AFF2: variants seen among roughly 807,000 people sequenced by gnomAD.
AFF2 encodes the protein AF4/FMR2 family member 2.
A neutral mutation model predicts 76.9 loss-of-function variants in AFF2; 14 were observed. That is an observed-to-expected ratio of 0.18 (90% CI 0.12 to 0.28). AFF2 has a LOEUF of 0.28. Among genes scored for constraint, AFF2 ranks in the 10% least tolerant of loss-of-function variants. The pLI, the probability that AFF2 is intolerant of heterozygous loss-of-function variation, is 1.00. For synonymous variants in AFF2, 398 were observed against 366.7 expected (o/e 1.09, Z -0.98); for missense variants, 868 against 1,001.1 (o/e 0.87, Z 1.79).
At chrX:148,825,207 G>A (rs1467575112) in intron 4 of AFF2, among the ~76,000 whole-genome samples, 1 of 111,925 alleles carries the variant, frequency 8.9e-6, no homozygotes, top group East Asian at 2.8e-4. Context: ...ATGGAGTATG[G>A]TGGTGCCCAA....
chrX:148,528,778 C>G (rs1207464265), intron 1 of AFF2, among the ~76,000 whole-genome samples: 2 of 111,398 alleles, frequency 1.8e-5, no homozygotes, highest in Non-Finnish European at 3.8e-5. Context: ...ATTCAAAAAG[C>G]CATATGAATG....
intron 3 of AFF2, among the ~76,000 whole-genome samples, chrX:148,673,660 A>G (rs2054448991): frequency 8.9e-6 from 1 of 111,996 alleles, no homozygotes; most frequent in Admixed American, 9.5e-5. Flanking sequence ...TCAACCCTGT[A>G]TAAGAGAGGT....
intron 7 of AFF2, among the ~76,000 whole-genome samples, chrX:148,856,420 A>G (rs1393743826): frequency 9.0e-6 from 1 of 111,561 alleles, no homozygotes; most frequent in Non-Finnish European, 1.9e-5. Flanking sequence ...CTAAATTTTT[A>G]TAGCCAGTAA....
intron 3 of AFF2, among the ~76,000 whole-genome samples, chrX:148,733,653 T>C (rs1252485067): frequency 8.9e-6 from 1 of 112,234 alleles, no homozygotes; most frequent in East Asian, 2.8e-4. Context: ...CCACGATTTG[T>C]GTTTTTGTGC....
intron 3 of AFF2, among the ~76,000 whole-genome samples, chrX:148,800,273 G>T (rs940736721): frequency 1.8e-5 from 2 of 111,557 alleles, no homozygotes; most frequent in Non-Finnish European, 3.8e-5. Flanking sequence ...TCCTAAGTGC[G>T]GAGTATAGAG....
intron 20 of AFF2, among the ~76,000 whole-genome samples, chrX:148,990,290 G>C (rs2072519679): frequency 9.0e-6 from 1 of 111,655 alleles, no homozygotes; most frequent in Admixed American, 9.5e-5. Context: ...AGGCAGGAGA[G>C]CATCCCACGT....
intron 3 of AFF2, among the ~76,000 whole-genome samples, chrX:148,765,465 C>A (rs1169695421): frequency 5.4e-5 from 6 of 111,419 alleles, no homozygotes; most frequent in African/African-American, 2.0e-4. Context: ...GGACCCAGAC[C>A]AACCAATGAA....
intron 3 of AFF2, among the ~76,000 whole-genome samples, chrX:148,801,304 G>A (rs781795456): frequency 3.6e-5 from 4 of 111,391 alleles, no homozygotes; most frequent in South Asian, 3.8e-4. Flanking sequence ...CTTTCTCCCC[G>A]CCTCCTTATC....
At chrX:148,556,541 A>T (rs1387798599) in intron 1 of AFF2, among the ~76,000 whole-genome samples, 1 of 112,222 alleles carries the variant, frequency 8.9e-6, no homozygotes, top group Admixed American at 9.5e-5. Flanking sequence ...CTTTAAAAAG[A>T]TATAATTTCA....
At chrX:148,917,876 AAAAC>A (rs782176825) in intron 9 of AFF2, among the ~76,000 whole-genome samples, 32 of 112,266 alleles carry the variant, frequency 2.9e-4, no homozygotes, top group African/African-American at 4.2e-4. Flanking sequence ...TGAAGTGTAC[AAAAC>A]AAACAAACAA....
intron 1 of AFF2, among the ~76,000 whole-genome samples, chrX:148,605,571 G>A (rs888802131): frequency 8.9e-6 from 1 of 111,750 alleles, no homozygotes; most frequent in Non-Finnish European, 1.9e-5. Flanking sequence ...TCTTGGTGAA[G>A]TAATTGAGTC....
intron 3 of AFF2, among the ~76,000 whole-genome samples, chrX:148,680,269 A>T (rs1338770763): frequency 1.8e-5 from 2 of 112,444 alleles, no homozygotes; most frequent in Non-Finnish European, 3.8e-5. Flanking sequence ...TGAATAAGTG[A>T]ATACATCCCC....
chrX:148,832,082 G>A (rs1557273388), intron 4 of AFF2, among the ~76,000 whole-genome samples: 1 of 112,157 alleles, frequency 8.9e-6, no homozygotes, highest in Middle Eastern at 4.6e-3. Context: ...TTAGTCTGTG[G>A]TGATTTGTAA....
rs142254407 is a variant in AFF2 at position 148,514,046 on chromosome X, A to G, written c.47+12902A>G. ...ATTAATTAATTATTTGCCATTGTTCATAGGAATTTGAAAGGGAAAGACATA... is the reference window on the plus strand; with the variant it reads ...ATTAATTAATTATTTGCCATTGTTCGTAGGAATTTGAAAGGGAAAGACATA... On this transcript the variant is annotated intron_variant, in intron 1 of 20. Transcript: ENST00000370460. 4.3e-3 allele frequency among the ~76,000 whole-genome samples: 485 copies of G among 111,942 alleles called. 3 individuals carry two copies. Among genetic ancestry groups the G allele is most frequent in the Middle Eastern group, 0.018 (4 of 217 alleles).
intron 16 of AFF2, among the ~76,000 whole-genome samples, chrX:148,977,068 C>T (rs1174617712): frequency 3.6e-5 from 4 of 112,024 alleles, no homozygotes; most frequent in Admixed American, 9.4e-5. Context: ...GGCTTTCTGT[C>T]GCCTTCTTAT....
intron 1 of AFF2, among the ~76,000 whole-genome samples, chrX:148,519,101 C>A (rs1469614424): frequency 9.0e-6 from 1 of 111,566 alleles, no homozygotes; most frequent in Non-Finnish European, 1.9e-5. Context: ...CTCCTATTGT[C>A]ATTTTAATGG....
chrX:148,866,511 A>G (rs2070909151), intron 7 of AFF2, among the ~76,000 whole-genome samples: 1 of 112,412 alleles, frequency 8.9e-6, no homozygotes, highest in Non-Finnish European at 1.9e-5. Context: ...TTTGTTTATA[A>G]TCACCTTCAT....
chrX:148,565,448 C>T (rs1343284862), intron 1 of AFF2, among the ~76,000 whole-genome samples: 28 of 111,341 alleles, frequency 2.5e-4, no homozygotes, highest in Non-Finnish European at 1.9e-5. Flanking sequence ...ATTTTAAGGT[C>T]ATTAGCCATA....
intron 3 of AFF2, among the ~76,000 whole-genome samples, chrX:148,738,461 A>G (rs1379754466): frequency 1.8e-5 from 2 of 111,528 alleles, no homozygotes; most frequent in African/African-American, 6.5e-5. Context: ...TGTCAGTTGT[A>G]ATATCTTCTG....
Sources: allele counts gnomAD v4.1 joint callset (sites outside exome capture counted in the v4.1 genomes callset), GRCh38; gene constraint gnomAD v4.1.1; transcripts MANE v1.5; gene names NCBI Gene and HGNC (gene_info 2026-07-23, HGNC 2026-07-21).